Variants in ADAMTS7 observed in about 807,000 individuals in gnomAD.
ADAMTS7 encodes ADAM metallopeptidase with thrombospondin type 1 motif 7, also known as A disintegrin and metalloproteinase with thrombospondin motifs 7.
A neutral mutation model predicts 172.6 loss-of-function variants in ADAMTS7; 89 were observed. The ratio of observed to expected loss-of-function variants is 0.52; its 90% CI spans 0.43 to 0.61. ADAMTS7 has a LOEUF of 0.61. ADAMTS7 is among the 20% of genes least tolerant of loss of function. The pLI, the probability that ADAMTS7 is intolerant of heterozygous loss-of-function variation, is 0.00. For missense variants in ADAMTS7, 1,973 were observed against 2,355.6 expected, an observed-to-expected ratio of 0.84 and a Z score of 3.36; for synonymous variants, 885 against 978.4, an observed-to-expected ratio of 0.90 and a Z score of 1.78.
chr15:78,764,114 A>T lies in ADAMTS7; in HGVS notation c.4420-15T>A. On this transcript the variant is annotated splice_polypyrimidine_tract_variant and intron_variant, in intron 20 of 23. Transcript: ENST00000388820. ...CTGCGGGAGCACTGGGGACCGAGAG[A>T]CGTGTATGGACACATCCCCATGTGC... The T allele has an allele frequency of 6.6e-7, 1 of 1,507,628 alleles. No individual in the cohort carries two copies. The highest frequency in any genetic ancestry group is 8.9e-7 in the Non-Finnish European group (1 of 1,123,166). The allele number at this position is 1,507,628 out of a possible 1,614,324, so 93.4% of individuals were successfully genotyped here. A position where few individuals can be genotyped will look rare whatever the true frequency, so the allele number is the denominator to read the frequency against.
At chr15:78,791,296 A>T (rs1451883667) in intron 4 of ADAMTS7, 73 bp from the exon 5 acceptor site, 2 of 984,948 alleles carry the variant, frequency 2.0e-6, no homozygotes, top group Non-Finnish European at 2.6e-6. Flanking sequence ...ACCCCAACCC[A>T]CCCACCCACG....
intron 3 of ADAMTS7, 23 bp from the exon 4 acceptor site, chr15:78,796,809 G>A (rs1164725464): frequency 1.3e-6 from 2 of 1,591,010 alleles, no homozygotes; most frequent in Non-Finnish European, 1.7e-6. Context: ...ATGGGGTGGA[G>A]TTAGCTGCCA....
At chr15:78,778,340 C>T (rs746274587) in intron 8 of ADAMTS7, among the ~76,000 whole-genome samples, 45 of 152,218 alleles carry the variant, frequency 3.0e-4, no homozygotes, top group Non-Finnish European at 5.7e-4. Context: ...CTGGGGAGGG[C>T]GGCCCAGTCC....
intron 18 of ADAMTS7, 53 bp from the exon 19 acceptor site, chr15:78,767,104 G>C: frequency 6.7e-7 from 1 of 1,502,178 alleles, no homozygotes; most frequent in Non-Finnish European, 8.9e-7. Context: ...GCTGCCAGGG[G>C]ACGCTGGGGC....
intron 2 of ADAMTS7, among the ~76,000 whole-genome samples, chr15:78,798,846 A>G (rs561088769): frequency 6.6e-6 from 1 of 152,184 alleles, no homozygotes; most frequent in Non-Finnish European, 1.5e-5. Context: ...ATAGGCACCA[A>G]TTCTGCCCCT....
chr15:78,811,462 A>C lies in ADAMTS7; in HGVS notation c.-242T>G. ...AGAGCTAGAAGGAGAGAAAGAAAGA[A>C]AGAAAGAAAGGGAGGGAGAGTGAGG... On this transcript the variant is annotated 5_prime_UTR_variant, in exon 1 of 24. Coordinates refer to ENST00000388820, the MANE Select transcript of ADAMTS7 (RefSeq NM_014272.5). 3.3e-6 allele frequency: 1 copy of C among 307,354 alleles called. No individual in the cohort carries two copies. Among genetic ancestry groups the C allele is most frequent in the Non-Finnish European group, 5.9e-6 (1 of 170,834 alleles). The allele number at this position is 307,354 out of a possible 1,614,324, so 19.0% of individuals were successfully genotyped here.
chr15:78,794,474 C>A (rs2055618250), intron 4 of ADAMTS7, among the ~76,000 whole-genome samples: 1 of 152,236 alleles, frequency 6.6e-6, no homozygotes, highest in Non-Finnish European at 1.5e-5. Context: ...TAGGTGCCCC[C>A]ATCCTGTCCT....
chr15:78,800,343 A>G lies in ADAMTS7; in HGVS notation c.305T>C (p.Leu102Pro). 1 of 1,603,360 alleles carries G rather than the reference A, an allele frequency of 6.2e-7. No homozygotes were observed. Among genetic ancestry groups the G allele is most frequent in the South Asian group, 1.1e-5 (1 of 90,436 alleles). ...RFNLTANQHL[L>P]APGFVSETRR... is the part of the protein sequence containing the mutation. Reference sequence around the variant, plus strand: ...CGTCTCGCTCACAAAGCCGGGCGCCAGCAGGTGCTGATTGGCGGTCAGGTT... The same window carrying G: ...CGTCTCGCTCACAAAGCCGGGCGCCGGCAGGTGCTGATTGGCGGTCAGGTT... Residue 102 changes from leucine to proline, a missense_variant, in exon 2 of 24, where the codon CTG (leucine) becomes CCG (proline). By Grantham distance (98) the Leu-to-Pro change is moderately conservative (BLOSUM62 -3). Transcript: ENST00000388820.
chr15:78,787,993 CAGG>C (rs374448257), intron 8 of ADAMTS7, among the ~76,000 whole-genome samples: 33 of 152,294 alleles, frequency 2.2e-4, no homozygotes, highest in Admixed American at 3.3e-4. Context: ...AGCCTCCTTC[CAGG>C]AGGACATTTG....
At chr15:78,772,910 A>G (rs554381109) in intron 14 of ADAMTS7, among the ~76,000 whole-genome samples, 173 bp downstream of exon 14, 72 of 152,294 alleles carry the variant, frequency 4.7e-4, no homozygotes, top group African/African-American at 8.7e-4. Flanking sequence ...GTCTCTGCAC[A>G]TGGGCCAGGG....
In ADAMTS7 at chr15:78,766,213, G is replaced by T. The variant is rs766216781; in HGVS notation, c.3698C>A (p.Pro1233His). ...EPKGRGAPHL[P>H]PRPSSTLPPL... ...GGGCAGCGTGGAGCTGGGTCTCGGG[G>T]GCAGGTGGGGTGCTCCTCGGCCCTT... Residue 1233 changes from proline to histidine, a missense_variant, in exon 19 of 24, where the codon CCC becomes CAC. Physicochemically the swap from Pro to His is moderately conservative, Grantham distance 77. Around this residue, in one of 8 missense-constraint regions of ADAMTS7, gnomAD observed 771 missense variants for 952.6 expected, o/e 0.81. Transcript: ENST00000388820. 1 of 1,611,908 alleles carries T rather than the reference G, an allele frequency of 6.2e-7. No individual in the cohort carries two copies. Among genetic ancestry groups the T allele is most frequent in the Admixed American group, 1.7e-5 (1 of 60,012 alleles).
In ADAMTS7 at chr15:78,804,348, C is replaced by G. The variant is rs530358531; in HGVS notation, c.101-3801G>C. On this transcript the variant is annotated intron_variant, in intron 1 of 23. Coordinates refer to ENST00000388820, the MANE Select transcript of ADAMTS7 (RefSeq NM_014272.5). ...GAGCTCTGGCATCCATGCTTTCCCCCCTCTTTTCCCTCTCTGCAGTTCCCA... is the reference window on the plus strand; with the variant it reads ...GAGCTCTGGCATCCATGCTTTCCCCGCTCTTTTCCCTCTCTGCAGTTCCCA... 1.4e-3 allele frequency among the ~76,000 whole-genome samples: 211 copies of G among 152,304 alleles called. 1 individual carries two copies. The highest frequency in any genetic ancestry group is 2.2e-3 in the Non-Finnish European group (147 of 68,018).
intron 9 of ADAMTS7, 170 bp downstream of exon 9, chr15:78,777,274 C>T (rs548285377): frequency 4.7e-5 from 45 of 961,104 alleles, no homozygotes; most frequent in South Asian, 8.7e-5. Context: ...TGTGGCCGCC[C>T]ATCCCTGGCC....
intron 1 of ADAMTS7, 59 bp downstream of exon 1, chr15:78,811,062 G>C: frequency 1.6e-6 from 2 of 1,226,778 alleles, no homozygotes; most frequent in African/African-American, 3.1e-5. Context: ...ACAAAACCGA[G>C]ACTGGGGGAG....
At chr15:78,795,805 C>G (rs770051813) in intron 4 of ADAMTS7, among the ~76,000 whole-genome samples, 2 of 152,206 alleles carry the variant, frequency 1.3e-5, no homozygotes, top group Non-Finnish European at 2.9e-5. Context: ...GAGGCCTCCA[C>G]GGGCACCCAC....
At chr15:78,806,070 A>G in intron 1 of ADAMTS7, among the ~76,000 whole-genome samples, 1 of 73,316 alleles carries the variant, frequency 1.4e-5, no homozygotes, top group Admixed American at 1.6e-4. Context: ...ACAGAGCGAG[A>G]CTCTGACTCC....
chr15:78,770,265 T>C (rs200438356), intron 16 of ADAMTS7, among the ~76,000 whole-genome samples: 1 of 151,580 alleles, frequency 6.6e-6, no homozygotes, highest in Non-Finnish European at 1.5e-5. Flanking sequence ...TTGGAAGGTA[T>C]CTGCCCAGTT....
chr15:78,811,194 G>T lies in ADAMTS7; in HGVS notation c.27C>A (p.Ser9Arg), dbSNP rs1165309611. ...GGAGGGGGCGCAGCAAAGGCGCGGG[G>T]CTGCGGGGACTGGGGCCGCCGGGCA... MPGGPSPR[S>R]PAPLLRPLLL... The change falls in exon 1 of 24, where the codon AGC becomes AGA. Residue 9 changes from serine to arginine, a missense_variant. By Grantham distance (110) the Ser-to-Arg change is moderately radical (BLOSUM62 -1). Around this residue, in one of 8 missense-constraint regions of ADAMTS7, gnomAD observed 306 missense variants for 288.0 expected, o/e 1.06. Transcript: ENST00000388820. The T allele has an allele frequency of 8.1e-7, 1 of 1,229,430 alleles. No homozygotes were observed. Among genetic ancestry groups the T allele is most frequent in the Non-Finnish European group, 1.0e-6 (1 of 986,504 alleles). The allele number at this position is 1,229,430 out of a possible 1,614,324, so 76.2% of individuals were successfully genotyped here.
chr15:78,767,427 G>A lies in ADAMTS7; in HGVS notation c.2811C>T (p.Asn937=). 1 of 1,611,862 alleles carries A rather than the reference G, an allele frequency of 6.2e-7. No individual in the cohort carries two copies. The highest frequency in any genetic ancestry group is 1.1e-5 in the South Asian group (1 of 90,986). The change falls in exon 18 of 24, where the codon AAC becomes AAT. Residue 937 remains asparagine (N), a synonymous_variant. Transcript: ENST00000388820. ...LPRPPTETPC[N]RHVPCPATWA... ...AGGTGGCCGGACAGGGTACATGGCG[G>A]TTGCAAGGGGTTTCAGTAGGGGGCC...
Sources: gnomAD v4.1 joint callset for allele counts (sites outside exome capture counted in the v4.1 genomes callset) on GRCh38, gnomAD v4.1.1 for gene constraint, gnomAD v4.1.1 regional missense constraint, MANE v1.5 for transcripts, NCBI Gene and HGNC (gene_info 2026-07-23, HGNC 2026-07-21) for gene names.